The following CELF2 variants were observed in gnomAD, a reference collection of about 807,000 sequenced individuals.
The protein encoded by CELF2 is CUG triplet repeat RNA-binding protein 2.
In CELF2, 8 loss-of-function variants were observed where a neutral mutation model predicts 62.6. The ratio of observed to expected loss-of-function variants is 0.13; its 90% CI spans 0.07 to 0.23. The LOEUF is 0.23. Ranked by LOEUF, CELF2 falls within the 10% of genes least tolerant of loss-of-function variation. CELF2 has a pLI of 1.00. For synonymous variants in CELF2, 258 were observed against 250.0 expected (o/e 1.03, Z -0.30); for missense variants, 333 against 671.0 (o/e 0.50, Z 5.56).
At chr10:10,854,124 T>C (rs979913307) in intron 1 of CELF2, among the ~76,000 whole-genome samples, 3 of 152,222 alleles carry the variant, frequency 2.0e-5, no homozygotes, top group African/African-American at 7.2e-5. Context: ...TGCCAAGTCA[T>C]GAATACCTAA....
the CELF2 span, among the ~76,000 whole-genome samples, chr10:10,528,465 AGAG>A: frequency 6.6e-6 from 1 of 152,204 alleles, no homozygotes; most frequent in Non-Finnish European, 1.5e-5. Flanking sequence ...TCTCAAGCTT[AGAG>A]AACTGCTTCT....
chr10:10,926,618 G>A (rs145999991), intron 2 of CELF2, among the ~76,000 whole-genome samples: 9 of 152,316 alleles, frequency 5.9e-5, no homozygotes, highest in Non-Finnish European at 8.8e-5. Flanking sequence ...CAGCCGTCAC[G>A]TGGGGACCAT....
the CELF2 span, among the ~76,000 whole-genome samples, chr10:10,728,452 CAAAAAAA>C: frequency 4.1e-3 from 330 of 81,444 alleles, no homozygotes; most frequent in Middle Eastern, 0.014. Flanking sequence ...GACTCTGTTT[CAAAAAAA>C]AAAAAAAAAA....
At chr10:11,146,457 A>G (rs1219458430) in intron 1 of CELF2, among the ~76,000 whole-genome samples, 6 of 152,224 alleles carry the variant, frequency 3.9e-5, no homozygotes, top group Admixed American at 3.3e-4. Flanking sequence ...TAATGAGGAA[A>G]TATCTTTGTT....
At position 10,921,818 on chromosome 10, in the gene CELF2, G is replaced by C. The variant is rs74935174; in HGVS notation, c.89+1819G>C. On this transcript the variant is annotated intron_variant, in intron 2 of 13. Coordinates refer to the CELF2 transcript ENST00000636488. ...GGAGTCTTAGACATTCTACCTAAGC[G>C]TGGATGGGATTACAGGCGTGAGCCC... Among the ~76,000 whole-genome samples, 601 of 152,178 alleles carry C rather than the reference G, an allele frequency of 3.9e-3. 19 individuals are homozygous for C. The East Asian group carries it at 0.053, about 13-fold the overall frequency.
At chr10:10,831,539 C>G (rs888120718) in intron 1 of CELF2, among the ~76,000 whole-genome samples, 4 of 152,222 alleles carry the variant, frequency 2.6e-5, no homozygotes, top group African/African-American at 9.6e-5. Flanking sequence ...GGATATGAGA[C>G]AGCCATCATT....
the CELF2 span, among the ~76,000 whole-genome samples, chr10:10,589,156 TGG>T: frequency 6.6e-6 from 1 of 152,078 alleles, no homozygotes; most frequent in Non-Finnish European, 1.5e-5. Flanking sequence ...CAACTGGAAG[TGG>T]GGGCTTCCAG....
At chr10:10,815,656 G>A (rs1474397307) in intron 1 of CELF2, among the ~76,000 whole-genome samples, 1 of 152,142 alleles carries the variant, frequency 6.6e-6, no homozygotes, top group Non-Finnish European at 1.5e-5. Context: ...TCTCTCCAGA[G>A]GATAAAGCTA....
At chr10:11,175,960 C>T (rs1401534163) in intron 2 of CELF2, among the ~76,000 whole-genome samples, 2 of 152,156 alleles carry the variant, frequency 1.3e-5, no homozygotes, top group Non-Finnish European at 2.9e-5. Flanking sequence ...AAATGTAAAA[C>T]CAGTTTCGGG....
intron 4 of CELF2, among the ~76,000 whole-genome samples, chr10:11,257,028 A>G (rs1465680402): frequency 6.6e-6 from 1 of 152,002 alleles, no homozygotes; most frequent in Non-Finnish European, 1.5e-5. Context: ...TCTCCTCTCT[A>G]GAATCGGCTT....
At chr10:10,695,818 A>G in the CELF2 span, among the ~76,000 whole-genome samples, 3 of 151,700 alleles carry the variant, frequency 2.0e-5, no homozygotes, top group Non-Finnish European at 4.4e-5. Context: ...AGGCTTCTGC[A>G]TTCTTCACGT....
the CELF2 span, among the ~76,000 whole-genome samples, chr10:10,634,849 G>A: frequency 6.6e-6 from 1 of 151,986 alleles, no homozygotes; most frequent in Admixed American, 6.6e-5. Context: ...ATTTAGTAGA[G>A]ACGGGGTTTC....
At chr10:10,747,292 C>G in the CELF2 span, among the ~76,000 whole-genome samples, 1 of 152,254 alleles carries the variant, frequency 6.6e-6, no homozygotes, top group South Asian at 2.1e-4. Context: ...TGCCAAGAAG[C>G]CTTGTCCTAG....
chr10:11,070,820 A>G (rs1012467104), intron 1 of CELF2, among the ~76,000 whole-genome samples: 1 of 152,184 alleles, frequency 6.6e-6, no homozygotes, highest in Admixed American at 6.5e-5. Context: ...AGTTGCTACT[A>G]AGGAGTCTAG....
upstream of CELF2, among the ~76,000 whole-genome samples, chr10:10,795,885 A>G (rs1386868035): frequency 6.6e-6 from 1 of 152,016 alleles, no homozygotes; most frequent in African/African-American, 2.4e-5. Flanking sequence ...GGGTTTCTCT[A>G]TAGGGTCTTA....
At chr10:11,252,327 C>T (rs1415259431) in intron 4 of CELF2, among the ~76,000 whole-genome samples, 2 of 152,220 alleles carry the variant, frequency 1.3e-5, no homozygotes, top group Admixed American at 1.3e-4. Context: ...AGAAGTATAA[C>T]GAGCTCTAAT....
chr10:10,976,366 T>A (rs1405822489), intron 2 of CELF2, among the ~76,000 whole-genome samples: 1 of 152,232 alleles, frequency 6.6e-6, no homozygotes, highest in African/African-American at 2.4e-5. Flanking sequence ...TTTGACTGCA[T>A]CAAATGCCTG....
chr10:11,029,192 G>A (rs147471722), intron 1 of CELF2, among the ~76,000 whole-genome samples: 1 of 152,318 alleles, frequency 6.6e-6, no homozygotes, highest in Admixed American at 6.5e-5. Flanking sequence ...GTGGTGTAGG[G>A]TTAAGACAAG....
At chr10:10,594,759 T>G in the CELF2 span, among the ~76,000 whole-genome samples, 5 of 152,174 alleles carry the variant, frequency 3.3e-5, no homozygotes, top group African/African-American at 1.2e-4. Context: ...TTCTCAGGAC[T>G]CTGGGGTCAC....
Sources: gnomAD v4.1 joint callset for allele counts (sites outside exome capture counted in the v4.1 genomes callset) on GRCh38, gnomAD v4.1.1 for gene constraint, MANE v1.5 for transcripts, NCBI Gene and HGNC (gene_info 2026-07-23, HGNC 2026-07-21) for gene names.